The following NUP42 variants were observed in gnomAD, a reference collection of about 807,000 sequenced individuals.
The protein encoded by NUP42 is nucleoporin 42.
In NUP42, 47 loss-of-function variants were observed where a neutral mutation model predicts 35.9. The ratio of observed to expected loss-of-function variants is 1.31; its 90% confidence interval spans 1.04 to 1.67. NUP42 has a LOEUF of 1.67. Ranked by LOEUF, NUP42 falls within the 40% of genes most tolerant of loss-of-function variation. NUP42 has a pLI of 0.00. For missense variants in NUP42, 514 were observed against 492.2 expected, an observed-to-expected ratio of 1.04 and a Z score of -0.42; for synonymous variants, 173 against 173.3, an observed-to-expected ratio of 1.00 and a Z score of 0.01.
rs1239044039 is a variant in NUP42 at position 23,200,306 on chromosome 7, G to A, written c.833G>A (p.Ser278Asn). The A allele has an allele frequency of 6.2e-7, 1 of 1,603,852 alleles. No individual in the cohort carries two copies. Among genetic ancestry groups the A allele is most frequent in the African/African-American group, 1.3e-5 (1 of 74,942 alleles). Residue 278 changes from serine (S) to asparagine (N), a missense_variant, in exon 7 of 7, where the codon AGT becomes AAT. Physicochemically the swap from Ser to Asn is conservative, Grantham distance 46. Coordinates refer to ENST00000258742, the MANE Select transcript of NUP42 (RefSeq NM_007342.3). ...GCATTTGGAGCTGCAGCCTCTACCA[G>A]TTCAGGTATCTCTACTTCTGCTCCA... is the stretch of plus-strand genomic sequence containing the variant. ...SPAFGAAASTSSGISTSAPAF... is the reference protein window; with the variant it reads ...SPAFGAAASTNSGISTSAPAF...
rs371488161 is a variant in NUP42 at position 23,183,379 on chromosome 7, C to T, written c.121+1173C>T. 3.3e-4 allele frequency among the ~76,000 whole-genome samples: 50 copies of T among 152,180 alleles called. 2 individuals carry two copies. The South Asian group carries it at 0.01, about 31-fold the overall frequency. On this transcript the variant is annotated intron_variant, in intron 1 of 6. Coordinates refer to ENST00000258742, the MANE Select transcript of NUP42 (RefSeq NM_007342.3). Reference sequence around the variant, plus strand: ...GGATTACGGGTGCCCGCCACCATGCCCTTGATAATTTTTGTATTTTTAGTA... The same window carrying T: ...GGATTACGGGTGCCCGCCACCATGCTCTTGATAATTTTTGTATTTTTAGTA...
chr7:23,185,350 C>A, intron 2 of NUP42, 52 bp downstream of exon 2: 1 of 1,203,542 alleles, frequency 8.3e-7, no homozygotes, highest in Non-Finnish European at 1.2e-6. Context: ...TGTTTTTTCA[C>A]CTACAATCTT....
At chr7:23,194,696 GT>G (rs1311582711) in intron 3 of NUP42, 2 of 170,562 alleles carry the variant, frequency 1.2e-5, no homozygotes, top group South Asian at 9.3e-5. Context: ...TTTTGTTTTT[GT>G]TTTTGTTTTG....
chr7:23,199,604 A>T (rs858237), intron 6 of NUP42, 62 bp downstream of exon 6: 66,373 of 1,352,790 alleles, frequency 0.049, 2,283 homozygotes, highest in African/African-American at 0.12. Context: ...ATAGGTTTCA[A>T]ATTACAAGCC....
At chr7:23,184,521 T>C (rs747985569) in intron 1 of NUP42, among the ~76,000 whole-genome samples, 4 of 152,206 alleles carry the variant, frequency 2.6e-5, no homozygotes, top group Admixed American at 6.5e-5. Flanking sequence ...TATTTTTCTA[T>C]ATTATTTTCT....
intron 3 of NUP42, among the ~76,000 whole-genome samples, chr7:23,190,804 AAAATT>A (rs1170566616): frequency 6.6e-6 from 1 of 152,210 alleles, no homozygotes; most frequent in Non-Finnish European, 1.5e-5. Flanking sequence ...ATAAAAATAA[AAAATT>A]AAAAAAAGAA....
At position 23,199,636 on chromosome 7, in the gene NUP42, C is replaced by G. The variant is rs897177147; in HGVS notation, c.694+94C>G. 35 of 1,055,828 alleles carry G rather than the reference C, an allele frequency of 3.3e-5. No individual in the cohort carries two copies. In the African/African-American group the frequency reaches 4.9e-4, roughly 15 times the overall value. The allele number at this position is 1,055,828 out of a possible 1,614,324, so 65.4% of individuals were successfully genotyped here. A position where few individuals can be genotyped will look rare whatever the true frequency, so the allele number is the denominator to read the frequency against. ...AGCCTGAATCGCCATTTTAAATTACCTTCGTAAATTCTACAACCTTCCATC... is the reference window on the plus strand; with the variant it reads ...AGCCTGAATCGCCATTTTAAATTACGTTCGTAAATTCTACAACCTTCCATC... On this transcript the variant is annotated intron_variant, in intron 6 of 6. Coordinates refer to ENST00000258742, the MANE Select transcript of NUP42 (RefSeq NM_007342.3).
At chr7:23,188,028 C>A in intron 3 of NUP42, 4 of 1,259,154 alleles carry the variant, frequency 3.2e-6, no homozygotes, top group Non-Finnish European at 4.2e-6. Context: ...TTTTTTTGTC[C>A]ATAGTCCCTA....
chr7:23,183,101 ATTG>A (rs1785472458), intron 1 of NUP42, among the ~76,000 whole-genome samples: 3 of 152,152 alleles, frequency 2.0e-5, no homozygotes, highest in African/African-American at 7.2e-5. Flanking sequence ...GGCCTAGATC[ATTG>A]TCAAAGCTTT....
intron 3 of NUP42, among the ~76,000 whole-genome samples, chr7:23,189,748 T>TA (rs766146532): frequency 7.8e-4 from 118 of 151,826 alleles, no homozygotes; most frequent in Non-Finnish European, 1.4e-3. Context: ...CCATCTCTAC[T>TA]AAAAAATACA....
intron 5 of NUP42, chr7:23,197,042 C>T (rs944792935): frequency 9.4e-5 from 43 of 457,920 alleles, no homozygotes; most frequent in Non-Finnish European, 1.4e-4. Flanking sequence ...CAAACTATTA[C>T]ATAAGTTTAA....
At chr7:23,192,977 A>G (rs538327682) in intron 3 of NUP42, among the ~76,000 whole-genome samples, 40 of 151,814 alleles carry the variant, frequency 2.6e-4, no homozygotes, top group African/African-American at 9.7e-4. Context: ...TGATGTTCAG[A>G]TGTGTTCGGA....
chr7:23,190,093 A>G (rs559476588), intron 3 of NUP42, among the ~76,000 whole-genome samples: 12 of 152,340 alleles, frequency 7.9e-5, no homozygotes, highest in Admixed American at 5.2e-4. Flanking sequence ...TAATGCCACA[A>G]AAAGTTCATT....
intron 3 of NUP42, 139 bp from the exon 4 acceptor site, chr7:23,195,700 G>A (rs912035422): frequency 3.3e-6 from 2 of 603,950 alleles, no homozygotes; most frequent in Non-Finnish European, 2.9e-6. Context: ...ATTAAGTAGA[G>A]TGTAGGCTTT....
intron 3 of NUP42, among the ~76,000 whole-genome samples, chr7:23,191,117 A>T (rs1785774950): frequency 6.6e-6 from 1 of 152,236 alleles, no homozygotes; most frequent in African/African-American, 2.4e-5. Flanking sequence ...GTGTTTACAG[A>T]CTAGTGGGGC....
intron 3 of NUP42, among the ~76,000 whole-genome samples, chr7:23,192,496 G>A (rs865834337): frequency 1.4e-5 from 2 of 145,262 alleles, no homozygotes; most frequent in Non-Finnish European, 3.0e-5. Flanking sequence ...GCAGTAAGCC[G>A]AGATGATGCC....
rs553478911 is a variant in NUP42, at chr7:23,194,101, G to A, written c.446-1738G>A. 5.9e-5 allele frequency among the ~76,000 whole-genome samples: 9 copies of A among 152,288 alleles called. No homozygotes were observed. In the East Asian group the frequency reaches 1.7e-3, roughly 30 times the overall value. ...CTGGGTAGCTCTGGTTGCCACTCGC[G>A]CCTCTCCCTCCACACCTCCCTGCAA... On this transcript the variant is annotated intron_variant, in intron 3 of 6. Coordinates refer to ENST00000258742, the MANE Select transcript of NUP42 (RefSeq NM_007342.3).
intron 3 of NUP42, among the ~76,000 whole-genome samples, chr7:23,192,135 A>G (rs918042573): frequency 6.6e-6 from 1 of 152,244 alleles, no homozygotes; most frequent in African/African-American, 2.4e-5. Context: ...TGACCCTTGA[A>G]CAACATAAAG....
At chr7:23,194,911 A>G (rs368377814) in intron 3 of NUP42, 3 of 141,188 alleles carry the variant, frequency 2.1e-5, no homozygotes, top group African/African-American at 8.0e-5. Context: ...GATGGTCTCA[A>G]TTTCCTGACC....
Sources: gnomAD v4.1 joint callset for allele counts (sites outside exome capture counted in the v4.1 genomes callset) on GRCh38, gnomAD v4.1.1 for gene constraint, MANE v1.5 for transcripts, NCBI Gene and HGNC (gene_info 2026-07-23, HGNC 2026-07-21) for gene names.